The following DEK variants were observed in gnomAD, a reference collection of about 807,000 sequenced individuals.
DEK encodes protein DEK.
A neutral mutation model predicts 46.8 loss-of-function variants in DEK; 28 were observed. The ratio of observed to expected loss-of-function variants is 0.60; its 90% CI spans 0.44 to 0.82. The LOEUF is 0.82. Among genes scored for constraint, DEK ranks in the 40% least tolerant of loss-of-function variants. The pLI, the probability that DEK is intolerant of heterozygous loss-of-function variation, is 0.00. For missense variants in DEK, 416 were observed against 430.6 expected (o/e 0.97, Z 0.30); for synonymous variants, 160 against 144.5 (o/e 1.11, Z -0.77).
At chr6:18,240,011 A>G (rs1372059044) in intron 7 of DEK, among the ~76,000 whole-genome samples, 1 of 152,236 alleles carries the variant, frequency 6.6e-6, no homozygotes, top group Non-Finnish European at 1.5e-5. Flanking sequence ...AAGAAACAAT[A>G]TCATCAATAA....
At chr6:18,231,262 A>T (rs1400058415) in intron 9 of DEK, among the ~76,000 whole-genome samples, 3 of 152,222 alleles carry the variant, frequency 2.0e-5, no homozygotes, top group Non-Finnish European at 4.4e-5. Flanking sequence ...CACAGGAGAA[A>T]GCAGGAAAGA....
rs542702348 is a variant in DEK, at chr6:18,245,038, T to A, written c.762+4613A>T. 7.9e-5 allele frequency among the ~76,000 whole-genome samples: 12 copies of A among 152,308 alleles called. No homozygotes were observed. The South Asian group carries it at 2.5e-3, about 32-fold the overall frequency. On this transcript the variant is annotated intron_variant, in intron 7 of 10. Coordinates refer to ENST00000652689, the MANE Select transcript of DEK (RefSeq NM_003472.4). ...ACCCACTTTTGATCTGCCTTCCTCT[T>A]ATAAAGGTAGGAAAGCTGACACCTA...
intron 4 of DEK, among the ~76,000 whole-genome samples, chr6:18,257,410 TAC>T (rs1394751853): frequency 1.3e-5 from 2 of 152,328 alleles, no homozygotes; most frequent in Non-Finnish European, 2.9e-5. Context: ...TAAAAACTAC[TAC>T]AGGAGAAAGA....
intron 6 of DEK, among the ~76,000 whole-genome samples, chr6:18,252,568 A>T (rs1791434843): frequency 6.6e-6 from 1 of 150,636 alleles, no homozygotes. Context: ...TATCAGATTA[A>T]GGAGTAATCA....
At chr6:18,234,709 C>A (rs1016943566) in intron 9 of DEK, among the ~76,000 whole-genome samples, 41 of 152,250 alleles carry the variant, frequency 2.7e-4, no homozygotes, top group African/African-American at 9.6e-4. Context: ...ATTTTGCCTC[C>A]ACAGGACCAC....
intron 2 of DEK, among the ~76,000 whole-genome samples, chr6:18,261,500 G>GGCAGAGGTTGCGGTTA (rs1791864789): frequency 1.3e-5 from 2 of 152,220 alleles, no homozygotes; most frequent in Non-Finnish European, 2.9e-5. Flanking sequence ...TGAACCAGGA[G>GGCAGAGGTTGCGGTTA]GCAGAGGTTG....
At chr6:18,236,690 C>T (rs1156333529) in intron 8 of DEK, 90 bp from the exon 9 acceptor site, 8 of 932,120 alleles carry the variant, frequency 8.6e-6, no homozygotes, top group Non-Finnish European at 1.2e-5. Context: ...TCAACAGATT[C>T]TCAAAGGGGT....
chr6:18,261,508 T>C (rs1050074726), intron 2 of DEK, among the ~76,000 whole-genome samples: 6 of 152,096 alleles, frequency 3.9e-5, no homozygotes, highest in African/African-American at 1.4e-4. Context: ...GAGGCAGAGG[T>C]TGCGGTTAGC....
intron 7 of DEK, among the ~76,000 whole-genome samples, chr6:18,245,925 G>C (rs1791093228): frequency 6.6e-6 from 1 of 152,232 alleles, no homozygotes; most frequent in South Asian, 2.1e-4. Context: ...CACCAGATCT[G>C]ATGGTTTTAT....
At chr6:18,255,247 A>G (rs1373849868) in intron 6 of DEK, among the ~76,000 whole-genome samples, 1 of 152,252 alleles carries the variant, frequency 6.6e-6, no homozygotes, top group Non-Finnish European at 1.5e-5. Flanking sequence ...GCTCTGCTGC[A>G]GATTCTGGAA....
intron 10 of DEK, 30 bp from the exon 11 acceptor site, chr6:18,225,760 A>G (rs1417790307): frequency 1.9e-6 from 3 of 1,612,542 alleles, no homozygotes; most frequent in Non-Finnish European, 2.5e-6. Flanking sequence ...TTATTTTGCC[A>G]TAAATCATAA....
At chr6:18,247,156 C>A (rs1231312277) in intron 7 of DEK, among the ~76,000 whole-genome samples, 1 of 152,136 alleles carries the variant, frequency 6.6e-6, no homozygotes, top group African/African-American at 2.4e-5. Context: ...ATACACTGTT[C>A]CTCCTGCCAG....
chr6:18,254,015 TAAACA>T (rs1791500975), intron 6 of DEK, among the ~76,000 whole-genome samples: 1 of 151,806 alleles, frequency 6.6e-6, no homozygotes, highest in African/African-American at 2.4e-5. Flanking sequence ...TCATAGATTT[TAAACA>T]AAACAATACA....
At chr6:18,254,791 T>A (rs1407656560) in intron 6 of DEK, among the ~76,000 whole-genome samples, 3 of 152,240 alleles carry the variant, frequency 2.0e-5, no homozygotes, top group Non-Finnish European at 4.4e-5. Flanking sequence ...AAGAAGTATT[T>A]TGTCTTTAAA....
chr6:18,231,566 C>A (rs1042773439), intron 9 of DEK, among the ~76,000 whole-genome samples: 13 of 152,238 alleles, frequency 8.5e-5, no homozygotes, highest in Non-Finnish European at 1.5e-4. Context: ...TACAAACTAC[C>A]ATCAGAGAAT....
intron 6 of DEK, among the ~76,000 whole-genome samples, chr6:18,251,689 G>A (rs779082750): frequency 3.9e-5 from 6 of 152,140 alleles, no homozygotes; most frequent in Non-Finnish European, 5.9e-5. Flanking sequence ...TGATAGCACC[G>A]TTTGGAGAAA....
chr6:18,256,876 A>G (rs528496031), intron 4 of DEK, among the ~76,000 whole-genome samples: 5 of 152,326 alleles, frequency 3.3e-5, no homozygotes, highest in African/African-American at 9.6e-5. Context: ...AGTAAAGAAT[A>G]GCGAGTACCA....
In DEK at chr6:18,263,952, T is replaced by TCCCTCC. The variant is rs1264344247; in HGVS notation, c.30_35dup (p.Glu11_Gly12dup). The stretch of plus-strand genomic sequence containing the variant: ...TCTCGGACGCGGGCTGGGTGGGGGT[T>TCCCTCC]CCCTCCCCCTCCGCAGCAGGGGCCG... On this transcript the variant is annotated inframe_insertion, in exon 2 of 11. Coordinates refer to ENST00000652689, the MANE Select transcript of DEK (RefSeq NM_003472.4). 6.2e-7 allele frequency: 1 copy of TCCCTCC among 1,612,470 alleles called. No individual in the cohort carries two copies. The highest frequency in any genetic ancestry group is 1.7e-5 in the Admixed American group (1 of 59,672).
intron 2 of DEK, among the ~76,000 whole-genome samples, chr6:18,262,343 C>T (rs947251122): frequency 6.7e-6 from 1 of 150,352 alleles, no homozygotes; most frequent in African/African-American, 2.4e-5. Flanking sequence ...GTCTGGCTTC[C>T]ATGATGCCTC....
Sources: allele counts gnomAD v4.1 joint callset (sites outside exome capture counted in the v4.1 genomes callset), GRCh38; gene constraint gnomAD v4.1.1; transcripts MANE v1.5; gene names NCBI Gene and HGNC (gene_info 2026-07-23, HGNC 2026-07-21).